The following C1QTNF3 variants were observed in gnomAD, a reference collection of about 807,000 sequenced individuals.
The protein encoded by C1QTNF3 is complement C1q tumor necrosis factor-related protein 3.
Under a neutral mutation model 32.6 loss-of-function variants are expected in C1QTNF3, and 26 were observed. That is an observed-to-expected ratio of 0.80 (90% CI 0.58 to 1.11). The LOEUF (loss-of-function observed/expected upper bound fraction) is 1.11, where lower values mean the gene tolerates loss of function less well. C1QTNF3 is among the 50% of genes least tolerant of loss of function. The pLI, the probability that C1QTNF3 is intolerant of heterozygous loss-of-function variation, is 0.00. For missense variants in C1QTNF3, 362 were observed against 398.2 expected, an observed-to-expected ratio of 0.91 and a Z score of 0.77; for synonymous variants, 155 against 146.0, an observed-to-expected ratio of 1.06 and a Z score of -0.44.
At chr5:34,073,326 CAAA>C in the C1QTNF3 span, among the ~76,000 whole-genome samples, 4 of 78,454 alleles carry the variant, frequency 5.1e-5, no homozygotes, top group Non-Finnish European at 5.7e-5. Flanking sequence ...GACTCCGTCT[CAAA>C]AAAAAAAAAA....
chr5:34,053,934 T>G, the C1QTNF3 span, among the ~76,000 whole-genome samples: 1 of 152,136 alleles, frequency 6.6e-6, no homozygotes, highest in Non-Finnish European at 1.5e-5. Context: ...GGCTAGATTA[T>G]CCCTCTGGTT....
chr5:34,144,673 T>C, the C1QTNF3 span, among the ~76,000 whole-genome samples: 1 of 152,206 alleles, frequency 6.6e-6, no homozygotes, highest in Non-Finnish European at 1.5e-5. Context: ...AATTTACTCC[T>C]GAATAACTCT....
chr5:34,115,857 A>G, the C1QTNF3 span, among the ~76,000 whole-genome samples: 1 of 152,060 alleles, frequency 6.6e-6, no homozygotes, highest in Non-Finnish European at 1.5e-5. Context: ...TGCACATTTC[A>G]AACTCTCATA....
At chr5:34,079,394 C>T in the C1QTNF3 span, among the ~76,000 whole-genome samples, 1 of 151,528 alleles carries the variant, frequency 6.6e-6, no homozygotes, top group Non-Finnish European at 1.5e-5. Flanking sequence ...TTGAGAAATT[C>T]ATATTTTTTT....
chr5:34,130,950 T>G, the C1QTNF3 span, among the ~76,000 whole-genome samples: 1 of 152,246 alleles, frequency 6.6e-6, no homozygotes, highest in African/African-American at 2.4e-5. Flanking sequence ...CAGCATACTT[T>G]ATTTAACAGT....
At chr5:34,237,278 C>T in the C1QTNF3 span, among the ~76,000 whole-genome samples, 15 of 152,282 alleles carry the variant, frequency 9.9e-5, no homozygotes, top group South Asian at 6.2e-4. Flanking sequence ...AATTTTCACA[C>T]GTAACACCCT....
the C1QTNF3 span, among the ~76,000 whole-genome samples, chr5:34,063,518 T>TG: frequency 4.1e-5 from 4 of 96,396 alleles, no homozygotes; most frequent in Admixed American, 1.2e-4. Flanking sequence ...ATTGTACTGG[T>TG]GGGGGGGCTG....
At chr5:34,036,172 AAT>A (rs1298643009) in intron 1 of C1QTNF3, among the ~76,000 whole-genome samples, 1 of 152,208 alleles carries the variant, frequency 6.6e-6, no homozygotes, top group Non-Finnish European at 1.5e-5. Context: ...AAATTACAAG[AAT>A]TATCCACTTT....
chr5:34,072,373 GAA>G, the C1QTNF3 span, among the ~76,000 whole-genome samples: 2 of 121,330 alleles, frequency 1.6e-5, no homozygotes, highest in African/African-American at 6.8e-5. Context: ...AAAAGAAAGA[GAA>G]AGAAAGAAAG....
the C1QTNF3 span, among the ~76,000 whole-genome samples, chr5:34,178,046 C>T: frequency 1.0e-3 from 147 of 144,472 alleles, 1 homozygote; most frequent in South Asian, 0.031. Flanking sequence ...GCAGGTGGAT[C>T]GCTTGAGGTC....
At chr5:34,070,990 C>T in the C1QTNF3 span, among the ~76,000 whole-genome samples, 1 of 152,286 alleles carries the variant, frequency 6.6e-6, no homozygotes, top group African/African-American at 2.4e-5. Context: ...ATCGTAAATA[C>T]ATTTAGAGCA....
At chr5:34,197,693 G>A in the C1QTNF3 span, among the ~76,000 whole-genome samples, 2 of 152,076 alleles carry the variant, frequency 1.3e-5, no homozygotes, top group South Asian at 2.1e-4. Flanking sequence ...AGCATCCCCC[G>A]AAGCCTTTAA....
At chr5:34,244,271 T>C in the C1QTNF3 span, among the ~76,000 whole-genome samples, 1 of 152,210 alleles carries the variant, frequency 6.6e-6, no homozygotes, top group Non-Finnish European at 1.5e-5. Flanking sequence ...TTCTGTATCT[T>C]TGGAATATCT....
At chr5:34,224,194 A>C in the C1QTNF3 span, among the ~76,000 whole-genome samples, 1 of 152,228 alleles carries the variant, frequency 6.6e-6, no homozygotes, top group Non-Finnish European at 1.5e-5. Context: ...CATGGGTAGG[A>C]AGAATCAATA....
intron 2 of C1QTNF3, among the ~76,000 whole-genome samples, chr5:34,035,163 G>A (rs192488510): frequency 2.0e-5 from 3 of 152,298 alleles, no homozygotes; most frequent in Admixed American, 2.0e-4. Context: ...TGAATTGCTG[G>A]TCTAGTGGGG....
At chr5:34,024,530 C>G (rs1328936705) in intron 4 of C1QTNF3, 1 of 154,306 alleles carries the variant, frequency 6.5e-6, no homozygotes, top group Non-Finnish European at 1.4e-5. Context: ...AGAAATGGTT[C>G]TGGTAATTTC....
chr5:34,142,970 T>C, the C1QTNF3 span, among the ~76,000 whole-genome samples: 1 of 152,134 alleles, frequency 6.6e-6, no homozygotes, highest in Admixed American at 6.6e-5. Context: ...AATTCAGAAT[T>C]TGTATAGCAA....
chr5:34,040,178 T>C (rs369812438), intron 1 of C1QTNF3, among the ~76,000 whole-genome samples: 1 of 152,238 alleles, frequency 6.6e-6, no homozygotes, highest in Admixed American at 6.5e-5. Flanking sequence ...TTGCTATTTA[T>C]GACCTCCTTG....
chr5:34,167,092 T>C, the C1QTNF3 span: 148 of 152,316 alleles, frequency 9.7e-4, 1 homozygote, highest in African/African-American at 3.5e-3. Flanking sequence ...CTGGGGTCTA[T>C]TGTTCTTTAA....
Sources: allele counts gnomAD v4.1 joint callset (sites outside exome capture counted in the v4.1 genomes callset), GRCh38; gene constraint gnomAD v4.1.1; transcripts MANE v1.5; gene names NCBI Gene and HGNC (gene_info 2026-07-23, HGNC 2026-07-21).